Variants in PAK3 observed in about 807,000 individuals in gnomAD.
PAK3 encodes serine/threonine-protein kinase PAK 3.
In PAK3, 4 loss-of-function variants were observed where a neutral mutation model predicts 41.0. The observed-to-expected ratio is 0.10, with a 90% CI of 0.05 to 0.22. The LOEUF (loss-of-function observed/expected upper bound fraction) is 0.22, where lower values mean the gene tolerates loss of function less well. Ranked by LOEUF, PAK3 falls within the 10% of genes least tolerant of loss-of-function variation. The pLI, the probability that PAK3 is intolerant of heterozygous loss-of-function variation, is 1.00. For synonymous variants in PAK3, 146 were observed against 139.6 expected (o/e 1.05, Z -0.32); for missense variants, 205 against 409.9 (o/e 0.50, Z 4.32).
At chrX:111,019,704 G>GAA (rs1177833762) in intron 1 of PAK3, among the ~76,000 whole-genome samples, 10 of 85,160 alleles carry the variant, frequency 1.2e-4, no homozygotes, top group Non-Finnish European at 2.1e-4. Flanking sequence ...AAAAAAAAAA[G>GAA]AAAGAAAGAA....
chrX:111,192,790 C>A (rs997660402), intron 13 of PAK3, among the ~76,000 whole-genome samples, 172 bp downstream of exon 13: 1 of 112,142 alleles, frequency 8.9e-6, no homozygotes, highest in Admixed American at 9.4e-5. Context: ...TAGCTTTGTC[C>A]ACATATCAGA....
intron 1 of PAK3, among the ~76,000 whole-genome samples, chrX:110,955,211 C>T (rs768851430): frequency 1.8e-5 from 2 of 112,153 alleles, no homozygotes; most frequent in Admixed American, 1.9e-4. Flanking sequence ...CATCCTTAAA[C>T]CCTAACCTAA....
intron 1 of PAK3, among the ~76,000 whole-genome samples, chrX:110,948,675 C>T (rs2090674328): frequency 9.0e-6 from 1 of 111,088 alleles, no homozygotes; most frequent in Admixed American, 9.6e-5. Flanking sequence ...GGGGTAGAGA[C>T]TGTTGCACAA....
At chrX:111,060,101 T>C (rs922663366) in intron 1 of PAK3, among the ~76,000 whole-genome samples, 6 of 111,840 alleles carry the variant, frequency 5.4e-5, no homozygotes, top group Non-Finnish European at 1.9e-5. Context: ...TGAGGAACTT[T>C]CCTTCCCTCT....
intron 1 of PAK3, among the ~76,000 whole-genome samples, chrX:111,054,311 C>G (rs1016580496): frequency 8.9e-6 from 1 of 112,623 alleles, no homozygotes; most frequent in African/African-American, 3.2e-5. Context: ...AAGCCACTTT[C>G]CAGTGCCCCT....
chrX:111,123,751 A>G (rs1259867561), intron 5 of PAK3, among the ~76,000 whole-genome samples: 1 of 111,897 alleles, frequency 8.9e-6, no homozygotes, highest in African/African-American at 3.3e-5. Flanking sequence ...CTATATTGTA[A>G]GTGGGAAGGC....
At chrX:111,185,405 T>G (rs1042399305) in intron 11 of PAK3, among the ~76,000 whole-genome samples, 47 of 111,814 alleles carry the variant, frequency 4.2e-4, no homozygotes, top group African/African-American at 1.4e-3. Flanking sequence ...TTTAATTAGA[T>G]TCTATTTGTT....
chrX:111,146,467 T>C, intron 6 of PAK3: 1 of 817,415 alleles, frequency 1.2e-6, no homozygotes, highest in South Asian at 2.2e-5. Flanking sequence ...CCTTCTAAGT[T>C]GTCCCACATT....
rs766450864 is a variant in PAK3, at chrX:111,171,704, G to A, written c.767-1314G>A. Among the ~76,000 whole-genome samples, 3 of 111,737 alleles carry A rather than the reference G, an allele frequency of 2.7e-5. No individual in the cohort carries two copies. The South Asian group carries it at 1.1e-3, about 42-fold the overall frequency. The stretch of plus-strand genomic sequence containing the variant: ...TTAGTGGTTGCCTAGATATGTTTTG[G>A]GAACTAAGGGAAGATGGGGAGTAAC... On this transcript the variant is annotated intron_variant, in intron 10 of 17. Coordinates refer to ENST00000372007, the MANE Select transcript of PAK3 (RefSeq NM_002578.5).
rs2094955189 is a variant in PAK3 at position 111,226,776 on chromosome X, A to G, written c.*6329A>G. 1 of 111,626 alleles carries G rather than the reference A, an allele frequency of 9.0e-6. No individual in the cohort carries two copies. Among genetic ancestry groups the G allele is most frequent in the Non-Finnish European group, 1.9e-5 (1 of 53,209 alleles). 9.2% of individuals were successfully genotyped at this position (111,626 alleles called of 1,213,427 possible). A position where few individuals can be genotyped will look rare whatever the true frequency, so the allele number is the denominator to read the frequency against. On this transcript the variant is annotated 3_prime_UTR_variant, in exon 18 of 18. Transcript: ENST00000372007. ...CAACCAGCCCTGAGTGCAAAATTCA[A>G]GTTCAATGTGTGTGCTTGTGTGTGG...
At chrX:111,080,293 GC>G (rs1205123993) in intron 1 of PAK3, among the ~76,000 whole-genome samples, 2 of 111,402 alleles carry the variant, frequency 1.8e-5, no homozygotes, top group South Asian at 3.8e-4. Flanking sequence ...AATTTCCACA[GC>G]CCCCCAATCT....
At chrX:111,190,229 A>G (rs2094549148) in intron 11 of PAK3, among the ~76,000 whole-genome samples, 1 of 111,367 alleles carries the variant, frequency 9.0e-6, no homozygotes, top group South Asian at 3.7e-4. Context: ...GTAGAGTTGT[A>G]GATTATAAAT....
At chrX:111,067,037 T>G (rs2092706926) in intron 1 of PAK3, among the ~76,000 whole-genome samples, 1 of 112,378 alleles carries the variant, frequency 8.9e-6, no homozygotes, top group South Asian at 3.7e-4. Flanking sequence ...CCTCCTGGAC[T>G]TTTCATATTT....
At chrX:111,213,059 T>C in intron 16 of PAK3, among the ~76,000 whole-genome samples, 1 of 112,229 alleles carries the variant, frequency 8.9e-6, no homozygotes, top group Non-Finnish European at 1.9e-5. Context: ...ATTTATGACA[T>C]AGTGTTGAGC....
At chrX:111,159,031 T>A (rs1457514607) in intron 8 of PAK3, among the ~76,000 whole-genome samples, 1 of 111,494 alleles carries the variant, frequency 9.0e-6, no homozygotes. Flanking sequence ...GGTCACATCA[T>A]GCATTGCTTT....
intron 16 of PAK3, among the ~76,000 whole-genome samples, chrX:111,199,682 T>A (rs182112583): frequency 1.7e-3 from 192 of 111,686 alleles, no homozygotes; most frequent in African/African-American, 6.0e-3. Flanking sequence ...CCTGGTGAAA[T>A]CAGAAACTTA....
chrX:111,021,754 C>T (rs2092186582), intron 1 of PAK3, among the ~76,000 whole-genome samples: 1 of 110,049 alleles, frequency 9.1e-6, no homozygotes, highest in African/African-American at 3.3e-5. Flanking sequence ...AAGGTAAAGT[C>T]CAACTTAAAG....
intron 16 of PAK3, among the ~76,000 whole-genome samples, chrX:111,201,306 T>C (rs1314348406): frequency 8.9e-6 from 1 of 112,074 alleles, no homozygotes; most frequent in East Asian, 2.8e-4. Context: ...TATGCCCTTA[T>C]TTGGAATCTT....
At chrX:111,007,250 G>A (rs2091946359) in intron 1 of PAK3, among the ~76,000 whole-genome samples, 1 of 111,472 alleles carries the variant, frequency 9.0e-6, no homozygotes, top group Non-Finnish European at 1.9e-5. Flanking sequence ...GAGGGATTCA[G>A]AAAGTCTGCA....
Sources: gnomAD v4.1 joint callset for allele counts (sites outside exome capture counted in the v4.1 genomes callset) on GRCh38, gnomAD v4.1.1 for gene constraint, MANE v1.5 for transcripts, NCBI Gene and HGNC (gene_info 2026-07-23, HGNC 2026-07-21) for gene names.